The following ITGA8 variants were observed in gnomAD, a reference collection of about 807,000 sequenced individuals.
The protein encoded by ITGA8 is integrin alpha-8.
A neutral mutation model predicts 142.3 loss-of-function variants in ITGA8; 91 were observed. The observed-to-expected ratio is 0.64, with a 90% CI of 0.54 to 0.76. The LOEUF is 0.76. Among genes scored for constraint, ITGA8 ranks in the 30% least tolerant of loss-of-function variants. ITGA8 has a pLI of 0.00. For missense variants in ITGA8, 1,406 were observed against 1,327.7 expected (o/e 1.06, Z -0.92); for synonymous variants, 505 against 485.2 (o/e 1.04, Z -0.54).
At chr10:15,606,646 A>G (rs1297637393) in intron 17 of ITGA8, among the ~76,000 whole-genome samples, 3 of 152,210 alleles carry the variant, frequency 2.0e-5, no homozygotes, top group Non-Finnish European at 2.9e-5. Flanking sequence ...CTTCATTGAA[A>G]TACGCTTCTG....
Position 15,688,020 on chromosome 10 carries a change from A to G in ITGA8, c.362T>C (p.Val121Ala). ...CTCGATAGGTTCTTTGGTTCCATTA[A>G]CTCTGATCTTTCTGTTGTCTGTCAA... ...FDTTNNRKIR[V>A]NGTKEPIEFK... The change falls in exon 3 of 30, where the codon GTT (valine) becomes GCT (alanine). Residue 121 changes from valine (V) to alanine (A), a missense_variant. Transcript: ENST00000378076. 1 of 1,611,092 alleles carries G rather than the reference A, an allele frequency of 6.2e-7. No individual in the cohort carries two copies. Among genetic ancestry groups the G allele is most frequent in the African/African-American group, 1.3e-5 (1 of 74,958 alleles).
chr10:15,618,722 T>C (rs1833438690), intron 13 of ITGA8, among the ~76,000 whole-genome samples: 1 of 152,224 alleles, frequency 6.6e-6, no homozygotes, highest in South Asian at 2.1e-4. Context: ...CTTTCTCCCA[T>C]GCTGGATGCT....
At chr10:15,670,957 C>T (rs1006743965) in intron 8 of ITGA8, among the ~76,000 whole-genome samples, 14 of 152,170 alleles carry the variant, frequency 9.2e-5, no homozygotes, top group African/African-American at 1.2e-4. Flanking sequence ...GACCCCCCAC[C>T]GTCATCATCC....
intron 28 of ITGA8, 116 bp downstream of exon 28, chr10:15,530,934 G>C (rs549785889): frequency 1.7e-6 from 1 of 601,502 alleles, no homozygotes; most frequent in Non-Finnish European, 2.9e-6. Context: ...GTGAGCTGAA[G>C]AGGAAAATTT....
intron 26 of ITGA8, among the ~76,000 whole-genome samples, chr10:15,550,963 T>C (rs1265788950): frequency 6.6e-6 from 1 of 151,712 alleles, no homozygotes; most frequent in Non-Finnish European, 1.5e-5. Context: ...AAGATAAATT[T>C]TGGAGAAGTT....
chr10:15,718,879 G>T lies in ITGA8; in HGVS notation c.230C>A (p.Ala77Glu). ...GGGCTGGCTGGTGTTGGCTTTGGGC[G>T]CCCCCACCAAGACACTCGCTCTGCA... ...DARTASVLVGAPKANTSQPDI... is the reference protein window; with the variant it reads ...DARTASVLVGEPKANTSQPDI... The change falls in exon 2 of 30, where the codon GCG (alanine) becomes GAG (glutamate). Residue 77 changes from alanine (A) to glutamate (E), a missense_variant. Transcript: ENST00000378076. 1 of 1,613,998 alleles carries T rather than the reference G, an allele frequency of 6.2e-7. No homozygotes were observed. Among genetic ancestry groups the T allele is most frequent in the Non-Finnish European group, 8.5e-7 (1 of 1,180,028 alleles).
intron 11 of ITGA8, among the ~76,000 whole-genome samples, chr10:15,652,114 G>C (rs896863196): frequency 1.3e-5 from 2 of 152,222 alleles, no homozygotes; most frequent in African/African-American, 4.8e-5. Flanking sequence ...ACAGTTCTGT[G>C]TTTGTTACTA....
chr10:15,640,328 T>C (rs974977073), intron 13 of ITGA8, among the ~76,000 whole-genome samples: 3 of 152,204 alleles, frequency 2.0e-5, no homozygotes, highest in East Asian at 3.9e-4. Flanking sequence ...CCCAGCCACA[T>C]TGGGGTGTGT....
intron 27 of ITGA8, among the ~76,000 whole-genome samples, chr10:15,546,815 AAGGGAAGAAAGGG>A: frequency 6.6e-6 from 1 of 150,838 alleles, no homozygotes; most frequent in South Asian, 2.1e-4. Flanking sequence ...GGAAAGAAGG[AAGGGAAGAAAGGG>A]AGGGAAGGAA....
chr10:15,528,496 G>C (rs1424382526), intron 28 of ITGA8, among the ~76,000 whole-genome samples: 2 of 134,742 alleles, frequency 1.5e-5, no homozygotes, highest in Non-Finnish European at 3.1e-5. Context: ...ACCTACATCA[G>C]ATAAAAAGTC....
intron 28 of ITGA8, among the ~76,000 whole-genome samples, chr10:15,523,891 C>T (rs548249658): frequency 6.6e-6 from 1 of 152,044 alleles, no homozygotes; most frequent in East Asian, 1.9e-4. Context: ...AAGATCGCAC[C>T]ACTGCACTCC....
chr10:15,575,580 G>A lies in ITGA8; in HGVS notation c.2387C>T (p.Pro796Leu), dbSNP rs147383371. The A allele has an allele frequency of 3.0e-5, 49 of 1,613,328 alleles. No homozygotes were observed. Among genetic ancestry groups the A allele is most frequent in the African/African-American group, 8.0e-5 (6 of 74,904 alleles). ...GTTATGAATGGGCAGAACAATCTGC[G>A]GAGGGTGTGACACTCTGAAACATGA... is the stretch of plus-strand genomic sequence containing the variant. ...QVEIRGVSHPPQIVLPIHNWE... is the reference protein window; with the variant it reads ...QVEIRGVSHPLQIVLPIHNWE... The change falls in exon 24 of 30, where the codon CCG becomes CTG. Residue 796 changes from proline (P) to leucine (L), a missense_variant. Coordinates refer to ENST00000378076, the MANE Select transcript of ITGA8 (RefSeq NM_003638.3).
intron 26 of ITGA8, among the ~76,000 whole-genome samples, chr10:15,548,936 C>T (rs906802572): frequency 6.6e-6 from 1 of 152,100 alleles, no homozygotes; most frequent in Non-Finnish European, 1.5e-5. Flanking sequence ...GACTCTTGAG[C>T]CTATATTATC....
At chr10:15,526,463 A>AC (rs1833176717) in intron 28 of ITGA8, among the ~76,000 whole-genome samples, 1 of 152,188 alleles carries the variant, frequency 6.6e-6, no homozygotes, top group African/African-American at 2.4e-5. Context: ...GATGTGAGCC[A>AC]CCGCACCCGG....
chr10:15,672,793 G>A (rs761346479), intron 6 of ITGA8, 44 bp from the exon 7 acceptor site: 3 of 1,529,258 alleles, frequency 2.0e-6, no homozygotes, highest in African/African-American at 1.4e-5. Context: ...GAAAGCAAGA[G>A]GCAGGCCCTC....
At chr10:15,524,698 G>A (rs377353809) in intron 28 of ITGA8, among the ~76,000 whole-genome samples, 1 of 152,316 alleles carries the variant, frequency 6.6e-6, no homozygotes, top group East Asian at 1.9e-4. Context: ...GCAAGCTTAA[G>A]AGAAGACGAC....
chr10:15,578,277 T>G (rs1834336240), intron 23 of ITGA8, among the ~76,000 whole-genome samples: 1 of 152,176 alleles, frequency 6.6e-6, no homozygotes, highest in Admixed American at 6.5e-5. Context: ...TCATACAGGA[T>G]GCAATCTTTT....
chr10:15,616,403 A>C, intron 14 of ITGA8, 111 bp downstream of exon 14: 1 of 840,882 alleles, frequency 1.2e-6, no homozygotes, highest in Non-Finnish European at 2.0e-6. Context: ...TAAAAAGAGC[A>C]TCTAAATATT....
intron 28 of ITGA8, among the ~76,000 whole-genome samples, chr10:15,520,798 T>G (rs17137272): frequency 0.034 from 5,128 of 152,302 alleles, 248 homozygotes; most frequent in East Asian, 0.21. Flanking sequence ...CTCCTAGTTT[T>G]AATTGTGTTG....
Sources: allele counts gnomAD v4.1 joint callset (sites outside exome capture counted in the v4.1 genomes callset), GRCh38; gene constraint gnomAD v4.1.1; transcripts MANE v1.5; gene names NCBI Gene and HGNC (gene_info 2026-07-23, HGNC 2026-07-21).